Variants in PLAAT5 observed in about 807,000 individuals in gnomAD.
The protein encoded by PLAAT5 is phospholipase A and acyltransferase 5.
A neutral mutation model predicts 27.8 loss-of-function variants in PLAAT5; 27 were observed. That is an observed-to-expected ratio of 0.97 (90% CI 0.72 to 1.34). The LOEUF (loss-of-function observed/expected upper bound fraction) is 1.34, where lower values mean the gene tolerates loss of function less well. Ranked by LOEUF, PLAAT5 falls within the 40% of genes most tolerant of loss-of-function variation. The pLI is 0.00. For synonymous variants in PLAAT5, 125 were observed against 136.1 expected (o/e 0.92, Z 0.57); for missense variants, 368 against 343.8 (o/e 1.07, Z -0.56).
chr11:63,464,144 T>G (rs1430731297), intron 5 of PLAAT5, among the ~76,000 whole-genome samples: 1 of 151,756 alleles, frequency 6.6e-6, no homozygotes, highest in Non-Finnish European at 1.5e-5. Flanking sequence ...CTCACAAGAA[T>G]GGAGTGCAGG....
chr11:63,484,571 T>C (rs1012570839), intron 3 of PLAAT5, among the ~76,000 whole-genome samples: 3 of 151,790 alleles, frequency 2.0e-5, no homozygotes, highest in Non-Finnish European at 2.9e-5. Context: ...GACACAGAAA[T>C]AGCATTTGAC....
intron 3 of PLAAT5, among the ~76,000 whole-genome samples, chr11:63,472,951 A>G (rs550634171): frequency 6.7e-6 from 1 of 149,130 alleles, no homozygotes; most frequent in East Asian, 1.9e-4. Context: ...TAAAAATACA[A>G]AAAAAAAAAT....
intron 3 of PLAAT5, among the ~76,000 whole-genome samples, chr11:63,486,611 A>T (rs1036923204): frequency 6.6e-6 from 1 of 152,136 alleles, no homozygotes; most frequent in Non-Finnish European, 1.5e-5. Context: ...GCTAGCTATG[A>T]GGGCACAAAG....
chr11:63,490,625 C>CG, intron 1 of PLAAT5: 1 of 607,302 alleles, frequency 1.6e-6, no homozygotes, highest in Non-Finnish European at 2.9e-6. Flanking sequence ...CTCTGCCGAG[C>CG]CAGAGCCGGT....
At chr11:63,474,239 C>G (rs12280931) in intron 3 of PLAAT5, among the ~76,000 whole-genome samples, 3,081 of 152,152 alleles carry the variant, frequency 0.02, 114 homozygotes, top group African/African-American at 0.071. Context: ...GGAAGCATTT[C>G]TTCCTCTATT....
chr11:63,471,529 G>A (rs1396031587), intron 3 of PLAAT5, among the ~76,000 whole-genome samples: 4 of 152,140 alleles, frequency 2.6e-5, no homozygotes, highest in Admixed American at 2.6e-4. Context: ...CATTATTTAT[G>A]ACCATTTCCA....
chr11:63,465,600 G>A (rs1386257723), intron 5 of PLAAT5, among the ~76,000 whole-genome samples: 3 of 152,016 alleles, frequency 2.0e-5, no homozygotes, highest in African/African-American at 7.3e-5. Context: ...AGACCAGCCT[G>A]GGCAACATAG....
intron 3 of PLAAT5, among the ~76,000 whole-genome samples, chr11:63,484,334 A>T (rs1055863493): frequency 4.8e-5 from 7 of 144,972 alleles, no homozygotes; most frequent in Non-Finnish European, 7.6e-5. Flanking sequence ...GAAAGGACAT[A>T]AAAAAAAAAA....
intron 4 of PLAAT5, among the ~76,000 whole-genome samples, chr11:63,467,553 T>C (rs2015896208): frequency 1.3e-5 from 2 of 152,128 alleles, no homozygotes; most frequent in African/African-American, 4.8e-5. Context: ...TATAGTGCCC[T>C]TCTGTAATTC....
At chr11:63,470,343 C>A in intron 3 of PLAAT5, 1 of 164,870 alleles carries the variant, frequency 6.1e-6, no homozygotes. Flanking sequence ...GAGAAAAACC[C>A]TACAAATGCA....
chr11:63,481,442 AAATAAT>A (rs775334474), intron 3 of PLAAT5, among the ~76,000 whole-genome samples: 1 of 152,040 alleles, frequency 6.6e-6, no homozygotes, highest in Non-Finnish European at 1.5e-5. Flanking sequence ...TCCATCTCAA[AAATAAT>A]AATAATAATA....
chr11:63,489,970 C>T (rs941813069), intron 2 of PLAAT5, among the ~76,000 whole-genome samples: 2 of 152,216 alleles, frequency 1.3e-5, no homozygotes, highest in African/African-American at 2.4e-5. Flanking sequence ...AAGGACAATA[C>T]TGTAAGCCTC....
chr11:63,464,527 GCA>G (rs1470889823), intron 5 of PLAAT5, among the ~76,000 whole-genome samples: 1 of 151,940 alleles, frequency 6.6e-6, no homozygotes, highest in Non-Finnish European at 1.5e-5. Flanking sequence ...ATGGTGGCGT[GCA>G]CCTGGAGTCC....
intron 3 of PLAAT5, among the ~76,000 whole-genome samples, chr11:63,469,141 T>TGA (rs1246009564): frequency 9.6e-4 from 137 of 142,140 alleles, no homozygotes; most frequent in African/African-American, 4.0e-3. Flanking sequence ...TGTGTGTGTG[T>TGA]GTGTGAGAGA....
chr11:63,473,837 C>T (rs1476711499), intron 3 of PLAAT5, among the ~76,000 whole-genome samples: 1 of 151,756 alleles, frequency 6.6e-6, no homozygotes, highest in Non-Finnish European at 1.5e-5. Context: ...CTCAGCCTCC[C>T]AAGTAGCTGG....
At chr11:63,478,512 G>A (rs1714491549) in intron 3 of PLAAT5, among the ~76,000 whole-genome samples, 1 of 152,078 alleles carries the variant, frequency 6.6e-6, no homozygotes, top group Non-Finnish European at 1.5e-5. Context: ...TAGTAGAGAC[G>A]GGGTTTTACC....
intron 3 of PLAAT5, among the ~76,000 whole-genome samples, chr11:63,485,917 G>A (rs1307341799): frequency 6.6e-6 from 1 of 151,898 alleles, no homozygotes; most frequent in Non-Finnish European, 1.5e-5. Flanking sequence ...AGGAAATCAA[G>A]CAAATAAATC....
chr11:63,469,796 C>G (rs954576515), intron 3 of PLAAT5: 2 of 155,114 alleles, frequency 1.3e-5, no homozygotes, highest in Non-Finnish European at 2.9e-5. Context: ...GTAAAGAATA[C>G]GGCAAATTGG....
At chr11:63,473,706 GT>G (rs201090137) in intron 3 of PLAAT5, among the ~76,000 whole-genome samples, 8,134 of 117,488 alleles carry the variant, frequency 0.069, 550 homozygotes, top group African/African-American at 0.21. Flanking sequence ...TTTTTTTGTT[GT>G]TTTTTTTTTT....
Sources: allele counts gnomAD v4.1 joint callset (sites outside exome capture counted in the v4.1 genomes callset), GRCh38; gene constraint gnomAD v4.1.1; transcripts MANE v1.5; gene names NCBI Gene and HGNC (gene_info 2026-07-23, HGNC 2026-07-21).